The following NLGN1 variants were observed in gnomAD, a reference collection of about 807,000 sequenced individuals.
NLGN1 encodes neuroligin 1.
Under a neutral mutation model 65.5 loss-of-function variants are expected in NLGN1, and 12 were observed. The observed-to-expected ratio is 0.18, with a 90% CI of 0.12 to 0.30. The LOEUF is 0.30. Among genes scored for constraint, NLGN1 ranks in the 10% least tolerant of loss-of-function variants. The pLI, the probability that NLGN1 is intolerant of heterozygous loss-of-function variation, is 1.00. For missense variants in NLGN1, 750 were observed against 1,007.1 expected (o/e 0.74, Z 3.46); for synonymous variants, 350 against 359.5 (o/e 0.97, Z 0.30).
chr3:174,092,146 G>A (rs1744642301), intron 4 of NLGN1, among the ~76,000 whole-genome samples: 1 of 152,110 alleles, frequency 6.6e-6, no homozygotes, highest in Non-Finnish European at 1.5e-5. Context: ...GCTATAAAAT[G>A]GAGTTGCACT....
chr3:174,157,483 AT>A (rs888495371), intron 4 of NLGN1, among the ~76,000 whole-genome samples: 67 of 151,528 alleles, frequency 4.4e-4, no homozygotes, highest in African/African-American at 1.5e-3. Flanking sequence ...TCAGATATTC[AT>A]TTTTTTTAAT....
intron 3 of NLGN1, among the ~76,000 whole-genome samples, chr3:173,787,880 G>A: frequency 6.6e-6 from 1 of 152,122 alleles, no homozygotes; most frequent in East Asian, 1.9e-4. Flanking sequence ...TGCAGTGTTG[G>A]TGAACATAAA....
At chr3:173,963,173 A>G (rs1714011531) in intron 4 of NLGN1, among the ~76,000 whole-genome samples, 1 of 152,184 alleles carries the variant, frequency 6.6e-6, no homozygotes, top group Non-Finnish European at 1.5e-5. Flanking sequence ...ATTCCATAGT[A>G]AAAGCAGCTG....
At chr3:173,747,057 T>TACACACACAC (rs765173809) in intron 3 of NLGN1, among the ~76,000 whole-genome samples, 3 of 81,750 alleles carry the variant, frequency 3.7e-5, no homozygotes, top group Non-Finnish European at 7.6e-5. Flanking sequence ...AAAAATTATA[T>TACACACACAC]ATACACACAC....
chr3:173,569,313 G>A (rs1210039586), intron 2 of NLGN1, among the ~76,000 whole-genome samples: 1 of 151,998 alleles, frequency 6.6e-6, no homozygotes, highest in African/African-American at 2.4e-5. Flanking sequence ...TATAATACTA[G>A]CTCTTTTTAA....
chr3:173,740,132 A>G (rs1774419235), intron 3 of NLGN1, among the ~76,000 whole-genome samples: 1 of 152,140 alleles, frequency 6.6e-6, no homozygotes. Flanking sequence ...TAATCCTTCC[A>G]GATGGGTCCA....
intron 4 of NLGN1, among the ~76,000 whole-genome samples, chr3:174,251,840 A>G (rs1744818536): frequency 6.6e-6 from 1 of 152,194 alleles, no homozygotes; most frequent in Non-Finnish European, 1.5e-5. Context: ...AGAGTAAAGA[A>G]AGTATTTTCT....
intron 4 of NLGN1, among the ~76,000 whole-genome samples, chr3:174,027,560 G>A (rs2152467638): frequency 6.6e-6 from 1 of 152,136 alleles, no homozygotes; most frequent in Middle Eastern, 3.4e-3. Context: ...CCACTAAGGG[G>A]ACAGGGAAGC....
chr3:173,548,605 A>G (rs184815587), intron 2 of NLGN1, among the ~76,000 whole-genome samples: 403 of 152,022 alleles, frequency 2.7e-3, no homozygotes, highest in Non-Finnish European at 5.1e-3. Context: ...AAAATACAGT[A>G]TGTGATTTTA....
intron 4 of NLGN1, among the ~76,000 whole-genome samples, chr3:173,901,463 A>G (rs1737370032): frequency 6.6e-6 from 1 of 151,854 alleles, no homozygotes; most frequent in Non-Finnish European, 1.5e-5. Flanking sequence ...ATCTGTTTAC[A>G]ATCTCATTTT....
intron 4 of NLGN1, among the ~76,000 whole-genome samples, chr3:173,886,141 T>C (rs781108469): frequency 3.3e-4 from 50 of 152,104 alleles, no homozygotes; most frequent in Non-Finnish European, 6.8e-4. Context: ...ATTAGGACCA[T>C]GTAAGATCGT....
chr3:173,628,569 G>A lies in NLGN1; in HGVS notation c.493+23478G>A, dbSNP rs140142777. 1.1e-4 allele frequency among the ~76,000 whole-genome samples: 16 copies of A among 151,908 alleles called. No homozygotes were observed. In the East Asian group the frequency reaches 2.9e-3, roughly 28 times the overall value. Reference sequence around the variant, plus strand: ...TAGTTACTGTCTAATAAAACTGGGAGTAATTTTAGAGATACTTTAGGCTAC... The same window carrying A: ...TAGTTACTGTCTAATAAAACTGGGAATAATTTTAGAGATACTTTAGGCTAC... On this transcript the variant is annotated intron_variant, in intron 3 of 6. Coordinates refer to ENST00000457714, the Ensembl canonical transcript of NLGN1.
intron 4 of NLGN1, among the ~76,000 whole-genome samples, chr3:173,914,561 G>A (rs878956281): frequency 6.8e-6 from 1 of 147,142 alleles, no homozygotes; most frequent in African/African-American, 2.5e-5. Context: ...ACACACATAT[G>A]TATATATTTG....
At chr3:174,089,997 C>G (rs189889497) in intron 4 of NLGN1, among the ~76,000 whole-genome samples, 82 of 151,502 alleles carry the variant, frequency 5.4e-4, no homozygotes, top group African/African-American at 2.0e-3. Flanking sequence ...CTCATTAACT[C>G]TTTATCAGCC....
intron 4 of NLGN1, among the ~76,000 whole-genome samples, chr3:173,983,184 G>A (rs765704222): frequency 2.0e-4 from 31 of 151,988 alleles, no homozygotes; most frequent in Admixed American, 7.2e-4. Flanking sequence ...ATATTTGAAG[G>A]GCAGCACATT....
intron 4 of NLGN1, among the ~76,000 whole-genome samples, chr3:173,990,430 A>G (rs184477634): frequency 1.2e-3 from 190 of 152,366 alleles, no homozygotes; most frequent in African/African-American, 4.4e-3. Flanking sequence ...TGATGCAAAC[A>G]TACTTAAGCT....
rs796169913 is a variant in NLGN1 at position 174,209,623 on chromosome 3, C to CTTTTTT, written c.647-65671_647-65666dup. Among the ~76,000 whole-genome samples, 41 of 82,098 alleles carry CTTTTTT rather than the reference C, an allele frequency of 5.0e-4. 2 individuals carry two copies. Among genetic ancestry groups the CTTTTTT allele is most frequent in the African/African-American group, 1.2e-3 (24 of 20,614 alleles). 53.9% of individuals were successfully genotyped at this position (82,098 alleles called of 152,430 possible). A position where few individuals can be genotyped will look rare whatever the true frequency, so the allele number is the denominator to read the frequency against. On this transcript the variant is annotated intron_variant, in intron 4 of 6. Coordinates refer to ENST00000457714, the Ensembl canonical transcript of NLGN1. ...CCCTGGTGTCTATCAACCTTTCTTT[C>CTTTTTT]TTTTTTTTTTTTTTTTTTTTTTTTT...
chr3:173,566,979 C>T (rs1743790371), intron 2 of NLGN1, among the ~76,000 whole-genome samples: 1 of 152,038 alleles, frequency 6.6e-6, no homozygotes, highest in African/African-American at 2.4e-5. Flanking sequence ...CCATGAGATG[C>T]CACTAATGTC....
chr3:173,965,620 C>T (rs1440282224), intron 4 of NLGN1, among the ~76,000 whole-genome samples: 1 of 151,854 alleles, frequency 6.6e-6, no homozygotes, highest in African/African-American at 2.4e-5. Context: ...ACGCGCTGGC[C>T]CATTCCTAAA....
Sources: gnomAD v4.1 joint callset for allele counts (sites outside exome capture counted in the v4.1 genomes callset) on GRCh38, gnomAD v4.1.1 for gene constraint, MANE v1.5 for transcripts, NCBI Gene and HGNC (gene_info 2026-07-23, HGNC 2026-07-21) for gene names.